The following TAPT1 variants were observed in gnomAD, a reference collection of about 807,000 sequenced individuals.
The protein encoded by TAPT1 is transmembrane anterior posterior transformation 1.
TAPT1 carries 28 observed loss-of-function variants against 65.6 expected under a neutral mutation model. The ratio of observed to expected loss-of-function variants is 0.43; its 90% CI spans 0.32 to 0.59. The LOEUF (loss-of-function observed/expected upper bound fraction) is 0.59, where lower values mean the gene tolerates loss of function less well. TAPT1 is among the 20% of genes least tolerant of loss of function. The pLI, the probability that TAPT1 is intolerant of heterozygous loss-of-function variation, is 0.09. For synonymous variants in TAPT1, 278 were observed against 245.2 expected (o/e 1.13, Z -1.25); for missense variants, 563 against 679.9 (o/e 0.83, Z 1.91).
intron 3 of TAPT1, among the ~76,000 whole-genome samples, chr4:16,198,504 A>C (rs937120536): frequency 9.8e-5 from 15 of 152,358 alleles, no homozygotes; most frequent in African/African-American, 3.6e-4. Flanking sequence ...TTCAAAGAAC[A>C]AAGAGACTAG....
rs1286264903 is a variant in TAPT1, at chr4:16,174,185, T to C, written c.1236+19A>G. 1.3e-6 allele frequency: 2 copies of C among 1,568,154 alleles called. 1 individual carries two copies. The highest frequency in any genetic ancestry group is 2.4e-5 in the South Asian group (2 of 84,228). On this transcript the variant is annotated intron_variant, in intron 11 of 13. Transcript: ENST00000405303. ...GATGGCTACTTTGTTACAAAAAACA[T>C]TAAAAAGTATGCACTTACTAAAACA...
At position 16,163,650 on chromosome 4, in the gene TAPT1, G is replaced by A. The variant is rs567815526; in HGVS notation, c.1475-113C>T. ...AAAGTGCCCATTATCCATGCTTTCC[G>A]ATAAAGCAAATGATAACCAAATAGC... is the stretch of plus-strand genomic sequence containing the variant. On this transcript the variant is annotated intron_variant, in intron 13 of 13. Coordinates refer to ENST00000405303, the MANE Select transcript of TAPT1 (RefSeq NM_153365.3). 86 of 760,906 alleles carry A rather than the reference G, an allele frequency of 1.1e-4. 1 individual carries two copies. In the African/African-American group the frequency reaches 1.2e-3, roughly 10 times the overall value. The allele number at this position is 760,906 out of a possible 1,614,324, so 47.1% of individuals were successfully genotyped here. A position where few individuals can be genotyped will look rare whatever the true frequency, so the allele number is the denominator to read the frequency against.
intron 3 of TAPT1, among the ~76,000 whole-genome samples, chr4:16,194,573 C>T (rs555761290): frequency 6.6e-6 from 1 of 152,290 alleles, no homozygotes; most frequent in East Asian, 1.9e-4. Flanking sequence ...TATCACTGTA[C>T]CGCAATCTCA....
intron 2 of TAPT1, among the ~76,000 whole-genome samples, chr4:16,212,550 G>A (rs34496855): frequency 0.25 from 38,248 of 152,148 alleles, 5,712 homozygotes; most frequent in East Asian, 0.33. Flanking sequence ...AGACAGAGCT[G>A]TTGCTGCGCT....
intron 1 of TAPT1, among the ~76,000 whole-genome samples, chr4:16,223,063 T>C (rs1214237072): frequency 6.6e-6 from 1 of 152,124 alleles, no homozygotes; most frequent in Non-Finnish European, 1.5e-5. Flanking sequence ...CCATGGTGAC[T>C]AGAAGCAACC....
rs138093460 is a variant in TAPT1 at position 16,187,023 on chromosome 4, T to C, written c.749-145A>G. On this transcript the variant is annotated intron_variant, in intron 5 of 13. Transcript: ENST00000405303. The stretch of plus-strand genomic sequence containing the variant: ...TGTATTATCTTCATAATTTCCCTAT[T>C]AGCTATAGTTGATATAAGTTTGACA... 780 of 597,360 alleles carry C rather than the reference T, an allele frequency of 1.3e-3. 4 individuals carry two copies. The highest frequency in any genetic ancestry group is 0.012 in the African/African-American group (619 of 53,786). The allele number at this position is 597,360 out of a possible 1,614,324, so 37.0% of individuals were successfully genotyped here. A position where few individuals can be genotyped will look rare whatever the true frequency, so the allele number is the denominator to read the frequency against.
At chr4:16,165,711 A>C (rs549029269) in intron 13 of TAPT1, among the ~76,000 whole-genome samples, 117 of 152,262 alleles carry the variant, frequency 7.7e-4, no homozygotes, top group Non-Finnish European at 1.4e-3. Flanking sequence ...GAAACCCTGG[A>C]ATCATCCTGA....
intron 12 of TAPT1, 164 bp from the exon 13 acceptor site, chr4:16,166,957 G>A: frequency 4.0e-6 from 2 of 504,206 alleles, no homozygotes; most frequent in Non-Finnish European, 6.8e-6. Flanking sequence ...AGGCCTCCTT[G>A]TCACAAAGAA....
intron 7 of TAPT1, among the ~76,000 whole-genome samples, chr4:16,184,647 G>A (rs1748897465): frequency 6.6e-6 from 1 of 152,202 alleles, no homozygotes; most frequent in African/African-American, 2.4e-5. Flanking sequence ...GGCTACAAGA[G>A]CAGTCACTCT....
chr4:16,187,656 T>C (rs17479949), intron 5 of TAPT1, among the ~76,000 whole-genome samples: 7,763 of 152,110 alleles, frequency 0.051, 226 homozygotes, highest in Middle Eastern at 0.14. Context: ...CACATGGAAC[T>C]TAAGAGCAGG....
chr4:16,214,483 C>T (rs558081974), intron 1 of TAPT1: 1 of 152,328 alleles, frequency 6.6e-6, no homozygotes, highest in Non-Finnish European at 1.5e-5. Context: ...ATCAGAAAAA[C>T]CTCCCTTTCC....
intron 9 of TAPT1, among the ~76,000 whole-genome samples, chr4:16,175,611 A>G (rs958223054): frequency 6.6e-6 from 1 of 152,176 alleles, no homozygotes; most frequent in Non-Finnish European, 1.5e-5. Context: ...CCACATATCT[A>G]TTTCTAGAAA....
intron 3 of TAPT1, among the ~76,000 whole-genome samples, chr4:16,200,353 T>C (rs991238237): frequency 6.6e-6 from 1 of 152,194 alleles, no homozygotes; most frequent in Non-Finnish European, 1.5e-5. Context: ...AGACAGGGTC[T>C]CACTCATCAC....
chr4:16,163,585 T>A, intron 13 of TAPT1, 48 bp from the exon 14 acceptor site: 1 of 1,431,406 alleles, frequency 7.0e-7, no homozygotes, highest in Non-Finnish European at 9.6e-7. Flanking sequence ...TTTCTCCAAT[T>A]ATTAATAAAT....
chr4:16,208,952 C>T (rs1480132371), intron 2 of TAPT1, among the ~76,000 whole-genome samples: 1 of 152,192 alleles, frequency 6.6e-6, no homozygotes, highest in Non-Finnish European at 1.5e-5. Context: ...CAACCTCTGC[C>T]TCTGGGGCTC....
Position 16,161,125 on chromosome 4 carries a change from A to G in TAPT1, c.*2183T>C, listed in dbSNP as rs375457132. The G allele has an allele frequency of 6.3e-4, 96 of 152,396 alleles. 1 individual carries two copies. The highest frequency in any genetic ancestry group is 2.2e-3 in the African/African-American group (90 of 41,206). 9.4% of individuals were successfully genotyped at this position (152,396 alleles called of 1,614,324 possible). On this transcript the variant is annotated 3_prime_UTR_variant, in exon 14 of 14. Transcript: ENST00000405303. ...ATGGTCTATAATCAAGGCCGAGCCT[A>G]TTTTTTCCAAAGACAAAATTAAACA...
chr4:16,164,781 C>T (rs10516297), intron 13 of TAPT1, among the ~76,000 whole-genome samples: 42,173 of 152,022 alleles, frequency 0.28, 6,836 homozygotes, highest in Non-Finnish European at 0.35. Flanking sequence ...ACAGGCCCCA[C>T]TATGAATTAC....
chr4:16,196,710 C>T, intron 3 of TAPT1: 5 of 1,287,888 alleles, frequency 3.9e-6, no homozygotes, highest in Non-Finnish European at 5.1e-6. Flanking sequence ...AGTGAAAGTG[C>T]TCCTCCCTTC....
intron 12 of TAPT1, among the ~76,000 whole-genome samples, chr4:16,167,138 C>T (rs1309872936): frequency 1.3e-5 from 2 of 151,870 alleles, no homozygotes; most frequent in African/African-American, 2.4e-5. Context: ...GGATTACAGG[C>T]ATCCGCCACC....
Sources: gnomAD v4.1 joint callset for allele counts (sites outside exome capture counted in the v4.1 genomes callset) on GRCh38, gnomAD v4.1.1 for gene constraint, MANE v1.5 for transcripts, NCBI Gene and HGNC (gene_info 2026-07-23, HGNC 2026-07-21) for gene names.